Variants in BTBD2 observed in about 807,000 individuals in gnomAD.
BTBD2 encodes the protein BTB domain containing 2.
A neutral mutation model predicts 44.0 loss-of-function variants in BTBD2; 15 were observed. The ratio of observed to expected loss-of-function variants is 0.34; its 90% CI spans 0.23 to 0.53. The LOEUF (loss-of-function observed/expected upper bound fraction) is 0.53, where lower values mean the gene tolerates loss of function less well. Among genes scored for constraint, BTBD2 ranks in the 20% least tolerant of loss-of-function variants. The probability of loss-of-function intolerance (pLI) is 0.95; values close to 1 mark genes in which losing one functional copy is unlikely to be tolerated. For missense variants in BTBD2, 657 were observed against 746.4 expected, an observed-to-expected ratio of 0.88 and a Z score of 1.39; for synonymous variants, 443 against 335.9, an observed-to-expected ratio of 1.32 and a Z score of -3.49.
intron 2 of BTBD2, among the ~76,000 whole-genome samples, chr19:1,995,589 A>G (rs546296615): frequency 1.7e-3 from 247 of 148,546 alleles, no homozygotes; most frequent in African/African-American, 5.9e-3. Context: ...GCCACTTTGG[A>G]TTCTTCTAAG....
At position 1,987,087 on chromosome 19, in the gene BTBD2, G is replaced by A. The variant is rs1415003475; in HGVS notation, c.1269+79C>T. The A allele has an allele frequency of 2.5e-6, 4 of 1,593,988 alleles. No individual in the cohort carries two copies. The African/African-American group carries it at 4.0e-5, about 16-fold the overall frequency. On this transcript the variant is annotated intron_variant, in intron 7 of 8. Transcript: ENST00000255608. ...GGGCAGCACAGGGACCAGGGCCGGG[G>A]GTTCAGCCAGGGTTCCATGGAGGTG...
In BTBD2 at chr19:1,996,079, C is replaced by T. The variant is rs2016247672; in HGVS notation, c.527+1265G>A. Among the ~76,000 whole-genome samples the T allele has an allele frequency of 2.8e-5, 3 of 108,350 alleles. 1 individual carries two copies. The highest frequency in any genetic ancestry group is 1.8e-4 in the African/African-American group (3 of 16,718). The allele number at this position is 108,350 out of a possible 152,430, so 71.1% of individuals were successfully genotyped here. ...TTAAACTCTCTTTTCTGTTGAATGG[C>T]CTTGGCACCCTTGCAAAAAATTATT... On this transcript the variant is annotated intron_variant, in intron 2 of 8. Coordinates refer to ENST00000255608, the MANE Select transcript of BTBD2 (RefSeq NM_017797.4).
At chr19:1,996,922 C>T (rs1323978156) in intron 2 of BTBD2, among the ~76,000 whole-genome samples, 1 of 151,812 alleles carries the variant, frequency 6.6e-6, no homozygotes. Context: ...GTGGCTCAGG[C>T]TTGTAATCCC....
At chr19:1,989,721 G>A (rs1029496871) in intron 5 of BTBD2, 10 of 473,730 alleles carry the variant, frequency 2.1e-5, no homozygotes, top group East Asian at 4.0e-5. Context: ...GCACAAGGGC[G>A]CGAGACGGGG....
rs747250218 is a variant in BTBD2 at position 1,990,064 on chromosome 19, G to A, written c.928C>T (p.Leu310=). The A allele has an allele frequency of 6.2e-7, 1 of 1,613,358 alleles. No individual in the cohort carries two copies. The change falls in exon 5 of 9, where the codon CTG becomes TTG. Residue 310 remains leucine, a synonymous_variant. Transcript: ENST00000255608. ...CGAATGAGGCCCAGGGCCTTGCCCA[G>A]AACCTTCCGCCTGTTCTCTGGCGTC... is the stretch of plus-strand genomic sequence containing the variant. ...QVTPENRRKV[L]GKALGLIRFP...
intron 2 of BTBD2, among the ~76,000 whole-genome samples, chr19:1,993,619 T>C (rs945609472): frequency 6.6e-6 from 1 of 151,728 alleles, no homozygotes; most frequent in Non-Finnish European, 1.5e-5. Flanking sequence ...ATTAGGATCA[T>C]GGATAATCAT....
rs908356982 is a variant in BTBD2 at position 2,010,345 on chromosome 19, T to C, written c.407+4952A>G. Among the ~76,000 whole-genome samples the C allele has an allele frequency of 3.9e-5, 6 of 152,274 alleles. 1 individual carries two copies. The highest frequency in any genetic ancestry group is 3.9e-4 in the Admixed American group (6 of 15,280). On this transcript the variant is annotated intron_variant, in intron 1 of 8. Coordinates refer to ENST00000255608, the MANE Select transcript of BTBD2 (RefSeq NM_017797.4). Reference sequence around the variant, plus strand: ...TGTGCCAGGCTCCAGCGCGCTGAGATGGACGGGTGCCCATCCAGGACCGGG... The same window carrying C: ...TGTGCCAGGCTCCAGCGCGCTGAGACGGACGGGTGCCCATCCAGGACCGGG...
intron 3 of BTBD2, 55 bp downstream of exon 3, chr19:1,992,962 CCGG>C: frequency 3.1e-6 from 3 of 952,688 alleles, no homozygotes; most frequent in Non-Finnish European, 4.3e-6. Context: ...CCGCCCCACC[CCGG>C]CCCCGCCTCC....
chr19:1,988,041 T>C (rs776400558), intron 5 of BTBD2: 48 of 249,216 alleles, frequency 1.9e-4, no homozygotes, highest in Non-Finnish European at 3.5e-4. Context: ...CCACTGCCTG[T>C]TCTCTCAGGG....
At chr19:1,991,351 G>C (rs1172514467) in intron 3 of BTBD2, 1 of 156,694 alleles carries the variant, frequency 6.4e-6, no homozygotes, top group Admixed American at 6.3e-5. Flanking sequence ...GGAAACAGAG[G>C]CTTAGTTAGT....
chr19:1,990,577 A>G (rs1472615110), intron 4 of BTBD2, 140 bp downstream of exon 4: 1 of 820,880 alleles, frequency 1.2e-6, no homozygotes, highest in African/African-American at 1.7e-5. Flanking sequence ...GCTAGGACCC[A>G]AACTCCTGAC....
chr19:2,005,285 A>G (rs112794290), intron 1 of BTBD2, among the ~76,000 whole-genome samples: 1 of 152,026 alleles, frequency 6.6e-6, no homozygotes, highest in Non-Finnish European at 1.5e-5. Flanking sequence ...CTTCTCCTGG[A>G]TAAATGCCTC....
Position 1,997,467 on chromosome 19 carries a change from G to A in BTBD2, c.408-4C>T. Reference sequence around the variant, plus strand: ...GCTGCCCACGGCCAGCACGAACCTGGTACGGGAGAGAGAAGGCCCTGGTTA... The same window carrying A: ...GCTGCCCACGGCCAGCACGAACCTGATACGGGAGAGAGAAGGCCCTGGTTA... On this transcript the variant is annotated splice_polypyrimidine_tract_variant and splice_region_variant and intron_variant, in intron 1 of 8. Transcript: ENST00000255608. 1.2e-6 allele frequency: 2 copies of A among 1,613,956 alleles called. No individual in the cohort carries two copies. The highest frequency in any genetic ancestry group is 1.7e-5 in the Admixed American group (1 of 60,026).
At chr19:2,006,917 A>T (rs2016402244) in intron 1 of BTBD2, among the ~76,000 whole-genome samples, 1 of 151,668 alleles carries the variant, frequency 6.6e-6, no homozygotes, top group Non-Finnish European at 1.5e-5. Context: ...GAGTGCAGTG[A>T]CGCGATCTCG....
intron 1 of BTBD2, among the ~76,000 whole-genome samples, chr19:2,001,218 C>T (rs1226275817): frequency 1.3e-5 from 2 of 150,240 alleles, no homozygotes; most frequent in Non-Finnish European, 3.0e-5. Context: ...CCAGGAGGCA[C>T]CGGGCACGGT....
chr19:1,999,040 T>G (rs2016289802), intron 1 of BTBD2, among the ~76,000 whole-genome samples: 1 of 152,094 alleles, frequency 6.6e-6, no homozygotes, highest in Admixed American at 6.6e-5. Context: ...CCTGCACAGC[T>G]GAACCTCCAG....
At chr19:1,998,250 C>A (rs971228013) in intron 1 of BTBD2, among the ~76,000 whole-genome samples, 1 of 152,232 alleles carries the variant, frequency 6.6e-6, no homozygotes, top group Non-Finnish European at 1.5e-5. Flanking sequence ...AGGCACAGGG[C>A]CTGGCCTCAC....
At chr19:2,010,908 G>C (rs1212905925) in intron 1 of BTBD2, among the ~76,000 whole-genome samples, 1 of 152,192 alleles carries the variant, frequency 6.6e-6, no homozygotes, top group Non-Finnish European at 1.5e-5. Flanking sequence ...GAAGTGCTGG[G>C]ATGATAGGCG....
chr19:2,015,091 A>G (rs1393607321), intron 1 of BTBD2, among the ~76,000 whole-genome samples: 1 of 131,482 alleles, frequency 7.6e-6, no homozygotes, highest in African/African-American at 2.9e-5. Context: ...GCAGGGCCTC[A>G]GGTGCAGGCC....
Sources: gnomAD v4.1 joint callset for allele counts (sites outside exome capture counted in the v4.1 genomes callset) on GRCh38, gnomAD v4.1.1 for gene constraint, MANE v1.5 for transcripts, NCBI Gene and HGNC (gene_info 2026-07-23, HGNC 2026-07-21) for gene names.